PPARGC1A: variants seen among roughly 807,000 people sequenced by gnomAD.
PPARGC1A encodes the protein peroxisome proliferator-activated receptor gamma coactivator 1-alpha.
A neutral mutation model predicts 88.7 loss-of-function variants in PPARGC1A; 25 were observed. The observed-to-expected ratio is 0.28, with a 90% CI of 0.21 to 0.39. The LOEUF (loss-of-function observed/expected upper bound fraction) is 0.39. Ranked by LOEUF, PPARGC1A falls within the 10% of genes least tolerant of loss-of-function variation. PPARGC1A has a pLI of 1.00. For synonymous variants in PPARGC1A, 363 were observed against 355.6 expected (o/e 1.02, Z -0.24); for missense variants, 880 against 968.7 (o/e 0.91, Z 1.22).
chr4:24,092,626 T>G, the PPARGC1A span, among the ~76,000 whole-genome samples: 1 of 152,190 alleles, frequency 6.6e-6, no homozygotes, highest in Non-Finnish European at 1.5e-5. Context: ...TGGCTGGTAA[T>G]TTTTGTCCCA....
the PPARGC1A span, among the ~76,000 whole-genome samples, chr4:24,234,147 C>A: frequency 2.6e-5 from 4 of 152,112 alleles, no homozygotes; most frequent in African/African-American, 9.7e-5. Flanking sequence ...AATGAAAGCA[C>A]AATGGGCAGA....
chr4:24,318,847 A>G, the PPARGC1A span, among the ~76,000 whole-genome samples: 1 of 152,222 alleles, frequency 6.6e-6, no homozygotes, highest in Non-Finnish European at 1.5e-5. Context: ...ATAACAAAAT[A>G]CAACTGGCTG....
chr4:24,185,742 G>A, the PPARGC1A span, among the ~76,000 whole-genome samples: 1,542 of 151,828 alleles, frequency 0.01, 23 homozygotes, highest in African/African-American at 0.035. Context: ...AAGCACTAAT[G>A]TGTCATCTAG....
At chr4:24,218,541 C>T in the PPARGC1A span, among the ~76,000 whole-genome samples, 1 of 152,186 alleles carries the variant, frequency 6.6e-6, no homozygotes, top group Non-Finnish European at 1.5e-5. Context: ...ATACCCTGTG[C>T]AGACTAATGA....
At chr4:23,865,584 A>G (rs1577568788) in intron 2 of PPARGC1A, among the ~76,000 whole-genome samples, 1 of 152,302 alleles carries the variant, frequency 6.6e-6, no homozygotes, top group East Asian at 1.9e-4. Flanking sequence ...GTGGCATTCT[A>G]TCAACATGGG....
At chr4:24,471,156 C>CA in the PPARGC1A span, among the ~76,000 whole-genome samples, 2 of 151,428 alleles carry the variant, frequency 1.3e-5, no homozygotes, top group East Asian at 4.0e-4. This position sits in a 1 kb window ranked among gnomAD's most constrained non-coding sequence, Gnocchi z 5.4. Context: ...CGACACCCCC[C>CA]ACCCCTAGCG....
chr4:24,285,295 G>C, the PPARGC1A span, among the ~76,000 whole-genome samples: 1 of 152,128 alleles, frequency 6.6e-6, no homozygotes, highest in African/African-American at 2.4e-5. Flanking sequence ...ATATGTTCTA[G>C]ATAAGTAAGA....
the PPARGC1A span, among the ~76,000 whole-genome samples, chr4:24,437,282 G>A: frequency 1.3e-5 from 2 of 152,186 alleles, no homozygotes; most frequent in South Asian, 2.1e-4. Context: ...ACAGCTCTAG[G>A]GTACAGATGG....
chr4:24,000,483 T>C, the PPARGC1A span, among the ~76,000 whole-genome samples: 4 of 146,386 alleles, frequency 2.7e-5, no homozygotes, highest in African/African-American at 1.0e-4. Flanking sequence ...AATAAAAAAA[T>C]CCAAATACAT....
the PPARGC1A span, among the ~76,000 whole-genome samples, chr4:24,219,139 A>G: frequency 5.3e-5 from 8 of 152,264 alleles, 1 homozygote; most frequent in African/African-American, 1.9e-4. Flanking sequence ...GTGAGTACAC[A>G]GGATAACTGG....
At chr4:23,901,551 AAAAAAAGAAAAG>A (rs1264092027), upstream of PPARGC1A, among the ~76,000 whole-genome samples, 111 of 151,988 alleles carry the variant, frequency 7.3e-4, no homozygotes, top group Admixed American at 1.0e-3. Flanking sequence ...CTCAAAAAAA[AAAAAAAGAAAAG>A]AAAAAAGAAA....
In PPARGC1A at chr4:23,814,215, A is replaced by C. The variant is rs1721497092; in HGVS notation, c.1268T>G (p.Ile423Ser). 6.2e-7 allele frequency: 1 copy of C among 1,614,002 alleles called. No homozygotes were observed. The highest frequency in any genetic ancestry group is 1.3e-5 in the African/African-American group (1 of 74,918). ...CTGGTCTGAATCTGTGGAAGAACAA[A>C]TCTGCCCCTGCCAATCAGAGGAGAC... ...KDVSSDWQGQ[I>S]CSSTDSDQCY... The change falls in exon 8 of 13, where the codon ATT becomes AGT. Residue 423 changes from isoleucine (I) to serine (S), a missense_variant. Physicochemically the swap from Ile to Ser is moderately radical, Grantham distance 142. Transcript: ENST00000264867.
chr4:24,470,107 G>T, the PPARGC1A span, among the ~76,000 whole-genome samples: 1 of 152,156 alleles, frequency 6.6e-6, no homozygotes, highest in African/African-American at 2.4e-5. The surrounding 1 kb of genome is among the most constrained non-coding windows in gnomAD (Gnocchi z 5.8). Context: ...GGAGGCACGC[G>T]CCTGGAAACT....
chr4:24,256,341 C>T, the PPARGC1A span, among the ~76,000 whole-genome samples: 1 of 152,186 alleles, frequency 6.6e-6, no homozygotes, highest in African/African-American at 2.4e-5. Flanking sequence ...AGTCTGCCTT[C>T]ATCATGATTT....
the PPARGC1A span, among the ~76,000 whole-genome samples, chr4:24,139,289 C>G: frequency 6.6e-6 from 1 of 152,106 alleles, no homozygotes; most frequent in East Asian, 1.9e-4. Context: ...ACCTGCCACA[C>G]GCCCGGCTAA....
At chr4:23,890,491 G>A (rs183583720), upstream of PPARGC1A, among the ~76,000 whole-genome samples, 96 of 151,638 alleles carry the variant, frequency 6.3e-4, no homozygotes, top group African/African-American at 2.1e-3. Context: ...TTAATTCTAA[G>A]ATCTCCAAGT....
At chr4:23,972,350 A>G in the PPARGC1A span, among the ~76,000 whole-genome samples, 1 of 152,220 alleles carries the variant, frequency 6.6e-6, no homozygotes, top group Non-Finnish European at 1.5e-5. Flanking sequence ...ACAGATGTGC[A>G]AGACAGAAAG....
the PPARGC1A span, among the ~76,000 whole-genome samples, chr4:24,160,447 G>A: frequency 2.8e-4 from 42 of 152,096 alleles, no homozygotes; most frequent in African/African-American, 9.4e-4. Flanking sequence ...ATTTGCCCAG[G>A]TATTCTGAAT....
the PPARGC1A span, among the ~76,000 whole-genome samples, chr4:24,373,085 T>C: frequency 9.9e-5 from 15 of 152,110 alleles, no homozygotes; most frequent in Non-Finnish European, 2.1e-4. Context: ...TTCTACATTC[T>C]GGAAGGGAGA....
Sources: gnomAD v4.1 joint callset for allele counts (sites outside exome capture counted in the v4.1 genomes callset) on GRCh38, gnomAD v4.1.1 for gene constraint, Gnocchi (gnomAD v3.1) non-coding constraint, MANE v1.5 for transcripts, NCBI Gene and HGNC (gene_info 2026-07-23, HGNC 2026-07-21) for gene names.